Variants in GRIA4 observed in about 807,000 individuals in gnomAD.
GRIA4 encodes the protein glutamate receptor 4.
Under a neutral mutation model 104.0 loss-of-function variants are expected in GRIA4, and 34 were observed. The observed-to-expected ratio is 0.33, with a 90% CI of 0.25 to 0.44. GRIA4 has a LOEUF of 0.44. Ranked by LOEUF, GRIA4 falls within the 20% of genes least tolerant of loss-of-function variation. The pLI is 1.00. For synonymous variants in GRIA4, 386 were observed against 381.9 expected, an observed-to-expected ratio of 1.01 and a Z score of -0.13; for missense variants, 750 against 1,096.5, an observed-to-expected ratio of 0.68 and a Z score of 4.46.
chr11:105,911,127 TCCA>T (rs1216529234), intron 10 of GRIA4, among the ~76,000 whole-genome samples: 1 of 152,056 alleles, frequency 6.6e-6, no homozygotes. Context: ...AGGGTTTTCT[TCCA>T]CCGATTATTT....
At chr11:105,724,686 G>A (rs1330246866) in intron 3 of GRIA4, among the ~76,000 whole-genome samples, 2 of 152,080 alleles carry the variant, frequency 1.3e-5, no homozygotes, top group Non-Finnish European at 2.9e-5. Context: ...AATGAATGCA[G>A]TGTACATTAT....
intron 14 of GRIA4, among the ~76,000 whole-genome samples, chr11:105,956,296 C>T (rs1486383866): frequency 2.0e-5 from 3 of 151,636 alleles, no homozygotes; most frequent in Admixed American, 1.3e-4. Context: ...TTGTGATGTT[C>T]CCTACACTGT....
chr11:105,782,097 CAA>C (rs1298162018), intron 4 of GRIA4, among the ~76,000 whole-genome samples: 1 of 152,118 alleles, frequency 6.6e-6, no homozygotes, highest in African/African-American at 2.4e-5. Context: ...ACATTTGGCC[CAA>C]GTCTGAGTTT....
intron 10 of GRIA4, chr11:105,912,520 TTA>T (rs1252945356): frequency 1.7e-5 from 6 of 344,694 alleles, no homozygotes; most frequent in African/African-American, 2.3e-5. Context: ...TCCAACTGTT[TTA>T]TATATATATA....
chr11:105,672,435 C>T (rs1427558060), intron 3 of GRIA4, among the ~76,000 whole-genome samples: 2 of 152,056 alleles, frequency 1.3e-5, no homozygotes, highest in African/African-American at 4.8e-5. Context: ...TAATATAACT[C>T]TCAAGTTACT....
chr11:105,825,197 A>G (rs1353837392), intron 4 of GRIA4, among the ~76,000 whole-genome samples: 1 of 152,086 alleles, frequency 6.6e-6, no homozygotes, highest in Non-Finnish European at 1.5e-5. Flanking sequence ...CAAGACTATG[A>G]GAACAGCCTT....
At chr11:105,824,894 C>A (rs547011214) in intron 4 of GRIA4, 1 of 152,004 alleles carries the variant, frequency 6.6e-6, no homozygotes, top group African/African-American at 2.4e-5. Flanking sequence ...TATAATGATG[C>A]CTCTAGGGAG....
intron 6 of GRIA4, among the ~76,000 whole-genome samples, chr11:105,894,360 C>CA (rs923616488): frequency 2.6e-5 from 4 of 151,832 alleles, no homozygotes; most frequent in African/African-American, 9.7e-5. Flanking sequence ...TTTTCTTCAC[C>CA]CCCCCGAGCC....
intron 3 of GRIA4, among the ~76,000 whole-genome samples, chr11:105,647,205 A>C (rs1211245999): frequency 6.6e-6 from 1 of 152,208 alleles, no homozygotes; most frequent in Non-Finnish European, 1.5e-5. Flanking sequence ...GCTCAGTACC[A>C]CTAGTCATTA....
chr11:105,745,866 A>G (rs1591183230), intron 3 of GRIA4, among the ~76,000 whole-genome samples: 1 of 152,252 alleles, frequency 6.6e-6, no homozygotes, highest in African/African-American at 2.4e-5. Context: ...GAATGTAAAC[A>G]TTTTGTAGCC....
Position 105,689,290 on chromosome 11 carries a change from A to T in GRIA4, c.248-63691A>T, listed in dbSNP as rs116394400. On this transcript the variant is annotated intron_variant, in intron 3 of 16. Transcript: ENST00000282499. ...GACAGCACTTCTGCTGTCACTTAAG[A>T]GATAATGAAAATGCTCAAATAGCCT... 2.5e-3 allele frequency among the ~76,000 whole-genome samples: 375 copies of T among 152,260 alleles called. 2 individuals carry two copies. Among genetic ancestry groups the T allele is most frequent in the African/African-American group, 8.3e-3 (343 of 41,558 alleles).
chr11:105,825,719 C>A (rs1270023882), intron 4 of GRIA4, among the ~76,000 whole-genome samples: 2 of 152,030 alleles, frequency 1.3e-5, no homozygotes, highest in Admixed American at 6.6e-5. Flanking sequence ...TAAAAATCAT[C>A]AGTCACAGTC....
chr11:105,965,243 G>C (rs1409472705), intron 14 of GRIA4, among the ~76,000 whole-genome samples: 2 of 151,106 alleles, frequency 1.3e-5, no homozygotes, highest in East Asian at 3.9e-4. Context: ...TGACATCCTG[G>C]GGTTTAATTA....
intron 14 of GRIA4, chr11:105,965,905 C>A: frequency 7.6e-7 from 1 of 1,317,848 alleles, no homozygotes; most frequent in Non-Finnish European, 1.1e-6. Context: ...AACATCTTAA[C>A]AGCTGTGCAG....
At chr11:105,864,900 C>T (rs543119811) in intron 5 of GRIA4, among the ~76,000 whole-genome samples, 2 of 152,156 alleles carry the variant, frequency 1.3e-5, no homozygotes, top group African/African-American at 4.8e-5. Context: ...AGGATGGGCA[C>T]ATTTCATATT....
At position 105,693,256 on chromosome 11, in the gene GRIA4, T is replaced by C. The variant is rs185379227; in HGVS notation, c.248-59725T>C. Among the ~76,000 whole-genome samples, 8 of 152,334 alleles carry C rather than the reference T, an allele frequency of 5.3e-5. No homozygotes were observed. In the East Asian group the frequency reaches 1.2e-3, roughly 22 times the overall value. ...ACTAATTGTGCATGTTATGAAATAG[T>C]TCTTATCTAGCACTCCACTCTTGCA... On this transcript the variant is annotated intron_variant, in intron 3 of 16. Coordinates refer to ENST00000282499, the MANE Select transcript of GRIA4 (RefSeq NM_000829.4).
At chr11:105,856,254 T>C (rs1674216833) in intron 4 of GRIA4, among the ~76,000 whole-genome samples, 1 of 152,122 alleles carries the variant, frequency 6.6e-6, no homozygotes, top group South Asian at 2.1e-4. Context: ...ACACATTGTT[T>C]TGTCACTCTT....
chr11:105,826,650 A>C (rs1264117829), intron 4 of GRIA4, among the ~76,000 whole-genome samples: 2 of 152,010 alleles, frequency 1.3e-5, no homozygotes, highest in Non-Finnish European at 2.9e-5. Flanking sequence ...AAGTTCTTAA[A>C]ATTGATTTGG....
At chr11:105,922,300 T>C (rs1947586376) in intron 11 of GRIA4, among the ~76,000 whole-genome samples, 1 of 152,136 alleles carries the variant, frequency 6.6e-6, no homozygotes, top group Non-Finnish European at 1.5e-5. Flanking sequence ...ACAGAACTTT[T>C]CTGAGGTTTA....
Sources: allele counts gnomAD v4.1 joint callset (sites outside exome capture counted in the v4.1 genomes callset), GRCh38; gene constraint gnomAD v4.1.1; transcripts MANE v1.5; gene names NCBI Gene and HGNC (gene_info 2026-07-23, HGNC 2026-07-21).